The following GRID1 variants were observed in gnomAD, a reference collection of about 807,000 sequenced individuals.
GRID1 encodes the protein glutamate receptor ionotropic, delta-1.
In GRID1, 28 loss-of-function variants were observed where a neutral mutation model predicts 98.0. The observed-to-expected ratio is 0.29, with a 90% CI of 0.21 to 0.39. GRID1 has a LOEUF of 0.39. Among genes scored for constraint, GRID1 ranks in the 10% least tolerant of loss-of-function variants. The pLI is 1.00. For missense variants in GRID1, 1,111 were observed against 1,340.5 expected (o/e 0.83, Z 2.67); for synonymous variants, 553 against 538.5 (o/e 1.03, Z -0.37).
At chr10:86,361,521 C>T (rs1848600481) in intron 2 of GRID1, among the ~76,000 whole-genome samples, 1 of 152,184 alleles carries the variant, frequency 6.6e-6, no homozygotes, top group South Asian at 2.1e-4. Flanking sequence ...TGTCAGTCTG[C>T]CATCCTTGGA....
At chr10:85,688,760 G>A (rs973011073) in intron 12 of GRID1, among the ~76,000 whole-genome samples, 1 of 152,122 alleles carries the variant, frequency 6.6e-6, no homozygotes, top group African/African-American at 2.4e-5. Flanking sequence ...GTTTAGGGTC[G>A]CGCTAATGAG....
intron 3 of GRID1, among the ~76,000 whole-genome samples, chr10:86,179,181 C>T (rs1026111384): frequency 2.0e-5 from 3 of 147,736 alleles, no homozygotes; most frequent in Non-Finnish European, 4.5e-5. Flanking sequence ...CCACAGCACA[C>T]ACATTCCCAA....
rs3750689 is a variant in GRID1 at position 85,602,525 on chromosome 10, C to T, written c.2778G>A (p.Ser926=). Residue 926 remains serine, a synonymous_variant, in exon 16 of 16, where the codon TCG becomes TCA. Coordinates refer to ENST00000327946, the MANE Select transcript of GRID1 (RefSeq NM_017551.3). ...TCTGCTCTGGCAGAAAGGTGCTGAC[C>T]GAGAGCTGGGTGTTCTGGTACTCCC... ...PTREYQNTQL[S]VSTFLPEQSS... The T allele has an allele frequency of 2.7e-4, 434 of 1,613,992 alleles. 3 individuals carry two copies. The East Asian group carries it at 8.3e-3, about 31-fold the overall frequency.
At position 85,861,094 on chromosome 10, in the gene GRID1, T is replaced by C. The variant is rs140485058; in HGVS notation, c.952-4904A>G. On this transcript the variant is annotated intron_variant, in intron 6 of 15. Coordinates refer to ENST00000327946, the MANE Select transcript of GRID1 (RefSeq NM_017551.3). The stretch of plus-strand genomic sequence containing the variant: ...TATGAGCTGAGAGCTCCTCCAGGGA[T>C]GTCCCCAGAAGCTGGGGTCAGCACC... Among the ~76,000 whole-genome samples, 450 of 152,308 alleles carry C rather than the reference T, an allele frequency of 3.0e-3. 4 individuals carry two copies. Among genetic ancestry groups the C allele is most frequent in the African/African-American group, 0.01 (422 of 41,566 alleles).
intron 3 of GRID1, among the ~76,000 whole-genome samples, chr10:86,157,172 TTGTTTACTG>T (rs994506372): frequency 1.8e-4 from 27 of 152,288 alleles, no homozygotes; most frequent in African/African-American, 6.5e-4. Flanking sequence ...TGATGGGGGC[TTGTTTACTG>T]TGAGGTATTA....
At chr10:85,866,001 A>C (rs1489992853) in intron 6 of GRID1, among the ~76,000 whole-genome samples, 1 of 129,854 alleles carries the variant, frequency 7.7e-6, no homozygotes, top group Non-Finnish European at 1.6e-5. Flanking sequence ...AGAGAGAGGC[A>C]TCTAGGGTCA....
intron 4 of GRID1, among the ~76,000 whole-genome samples, chr10:85,984,291 A>T (rs1033392054): frequency 6.6e-6 from 1 of 152,192 alleles, no homozygotes; most frequent in East Asian, 1.9e-4. Context: ...AGAAAGAGAC[A>T]TAACAGTTCT....
intron 5 of GRID1, among the ~76,000 whole-genome samples, chr10:85,875,249 A>T (rs543672687): frequency 6.6e-6 from 1 of 152,266 alleles, no homozygotes; most frequent in African/African-American, 2.4e-5. Flanking sequence ...ACCATCATAT[A>T]GATACCCTAT....
chr10:86,340,262 C>G (rs1848291545), intron 2 of GRID1, among the ~76,000 whole-genome samples: 1 of 152,172 alleles, frequency 6.6e-6, no homozygotes, highest in South Asian at 2.1e-4. Context: ...GCAAGCAAAG[C>G]CCCGAACCAC....
At chr10:86,105,345 A>G (rs1217364317) in intron 4 of GRID1, among the ~76,000 whole-genome samples, 1 of 152,126 alleles carries the variant, frequency 6.6e-6, no homozygotes, top group African/African-American at 2.4e-5. Flanking sequence ...CAGAGGGTGT[A>G]GCGCTCTGGC....
At chr10:86,309,486 G>C (rs1199834907) in intron 2 of GRID1, among the ~76,000 whole-genome samples, 4 of 152,198 alleles carry the variant, frequency 2.6e-5, no homozygotes, top group African/African-American at 9.7e-5. Flanking sequence ...ATGTGTCCTG[G>C]GCACAGTACA....
chr10:86,202,241 C>T (rs746151034), intron 3 of GRID1, among the ~76,000 whole-genome samples: 19 of 152,244 alleles, frequency 1.2e-4, no homozygotes, highest in Admixed American at 5.2e-4. Flanking sequence ...AGCCAAGTTA[C>T]TCCACCCATC....
At chr10:86,217,369 T>C (rs1846190314) in intron 2 of GRID1, among the ~76,000 whole-genome samples, 1 of 152,230 alleles carries the variant, frequency 6.6e-6, no homozygotes, top group Non-Finnish European at 1.5e-5. Flanking sequence ...AATGAACTAA[T>C]TCATGTAAAA....
intron 2 of GRID1, among the ~76,000 whole-genome samples, chr10:86,333,771 T>A (rs981662539): frequency 6.6e-6 from 1 of 152,188 alleles, no homozygotes; most frequent in African/African-American, 2.4e-5. Context: ...TATTCCACTA[T>A]TAAGTGGAAG....
At chr10:85,635,096 AAGGTT>A (rs1843022540) in intron 13 of GRID1, among the ~76,000 whole-genome samples, 1 of 151,024 alleles carries the variant, frequency 6.6e-6, no homozygotes, top group Admixed American at 6.6e-5. Context: ...GAAAATAATC[AAGGTT>A]AGCATGGTGG....
chr10:85,707,285 C>T (rs924479682), intron 12 of GRID1, among the ~76,000 whole-genome samples: 6 of 152,024 alleles, frequency 3.9e-5, no homozygotes, highest in African/African-American at 1.2e-4. Context: ...ACAAACAATC[C>T]CATCAAAAAG....
chr10:85,878,035 A>T (rs1243630994), intron 5 of GRID1, among the ~76,000 whole-genome samples: 1 of 152,242 alleles, frequency 6.6e-6, no homozygotes, highest in Non-Finnish European at 1.5e-5. Context: ...GGAAGACGAA[A>T]TGAATGAAAT....
chr10:86,288,239 C>G lies in GRID1; in HGVS notation c.235+75702G>C, dbSNP rs2814362. Among the ~76,000 whole-genome samples, 28 of 152,322 alleles carry G rather than the reference C, an allele frequency of 1.8e-4. No homozygotes were observed. In the South Asian group the frequency reaches 5.6e-3, roughly 30 times the overall value. On this transcript the variant is annotated intron_variant, in intron 2 of 15. Coordinates refer to ENST00000327946, the MANE Select transcript of GRID1 (RefSeq NM_017551.3). ...TCAGCAGCGAACACCAAGAGTCCCTCATGTCTCCTGAACAGTAACTCCTCA... is the reference window on the plus strand; with the variant it reads ...TCAGCAGCGAACACCAAGAGTCCCTGATGTCTCCTGAACAGTAACTCCTCA...
At chr10:86,318,064 T>C (rs1847922816) in intron 2 of GRID1, among the ~76,000 whole-genome samples, 1 of 152,050 alleles carries the variant, frequency 6.6e-6, no homozygotes, top group African/African-American at 2.4e-5. Flanking sequence ...TTATATAGAC[T>C]GAAGGGCTGG....
Sources: allele counts gnomAD v4.1 joint callset (sites outside exome capture counted in the v4.1 genomes callset), GRCh38; gene constraint gnomAD v4.1.1; transcripts MANE v1.5; gene names NCBI Gene and HGNC (gene_info 2026-07-23, HGNC 2026-07-21).